Variants in MYO1H observed in about 807,000 individuals in gnomAD.
The protein encoded by MYO1H is myosin IH.
Under a neutral mutation model 149.3 loss-of-function variants are expected in MYO1H, and 118 were observed. The ratio of observed to expected loss-of-function variants is 0.79; its 90% CI spans 0.68 to 0.92. The LOEUF (loss-of-function observed/expected upper bound fraction) is 0.92. Ranked by LOEUF, MYO1H falls within the 40% of genes least tolerant of loss-of-function variation. MYO1H has a pLI of 0.00. For synonymous variants in MYO1H, 447 were observed against 465.2 expected, an observed-to-expected ratio of 0.96 and a Z score of 0.50; for missense variants, 1,212 against 1,280.7, an observed-to-expected ratio of 0.95 and a Z score of 0.82.
At chr12:109,434,477 A>G (rs1427003552) in intron 20 of MYO1H, among the ~76,000 whole-genome samples, 1 of 152,192 alleles carries the variant, frequency 6.6e-6, no homozygotes, top group African/African-American at 2.4e-5. Flanking sequence ...CTGGGCAACA[A>G]ACTGAGACTC....
At chr12:109,341,372 T>C in the MYO1H span, among the ~76,000 whole-genome samples, 1 of 152,164 alleles carries the variant, frequency 6.6e-6, no homozygotes, top group Admixed American at 6.5e-5. Context: ...TCATCATACA[T>C]TTCTATTATA....
intron 1 of MYO1H, among the ~76,000 whole-genome samples, chr12:109,375,052 G>A (rs571046115): frequency 1.3e-5 from 2 of 151,760 alleles, no homozygotes; most frequent in East Asian, 3.9e-4. Context: ...ACGGGGTTTC[G>A]CCATGTTGGC....
In MYO1H at chr12:109,381,633, C is replaced by T. The variant is rs146017240; in HGVS notation, c.13-7050C>T. Among the ~76,000 whole-genome samples the T allele has an allele frequency of 2.1e-3, 325 of 151,694 alleles. 2 individuals are homozygous for T. The highest frequency in any genetic ancestry group is 7.6e-3 in the African/African-American group (316 of 41,334). ...CAGCCTGGCCAACATGGTGAAACCCCGTCTCTACTAAAAATACAAAATCTT... is the reference window on the plus strand; with the variant it reads ...CAGCCTGGCCAACATGGTGAAACCCTGTCTCTACTAAAAATACAAAATCTT... On this transcript the variant is annotated intron_variant, in intron 1 of 31. Transcript: ENST00000310903.
At chr12:109,395,083 C>T (rs1171227026) in intron 3 of MYO1H, among the ~76,000 whole-genome samples, 2 of 152,162 alleles carry the variant, frequency 1.3e-5, no homozygotes, top group African/African-American at 2.4e-5. Context: ...TATTAAAAGC[C>T]GAAATGGCTT....
intron 9 of MYO1H, 121 bp downstream of exon 9, chr12:109,406,981 C>T (rs374526213): frequency 6.3e-5 from 50 of 790,340 alleles, no homozygotes; most frequent in Non-Finnish European, 8.4e-5. Flanking sequence ...CCAGGCCCTG[C>T]GTGGTCCAGC....
At chr12:109,404,842 T>G (rs1158947231) in intron 7 of MYO1H, among the ~76,000 whole-genome samples, 1 of 140,232 alleles carries the variant, frequency 7.1e-6, no homozygotes, top group Non-Finnish European at 1.6e-5. Context: ...TTTTACATCT[T>G]TTTGTCTTTT....
chr12:109,379,729 C>CTTTT (rs35773327), intron 1 of MYO1H, among the ~76,000 whole-genome samples: 23 of 103,476 alleles, frequency 2.2e-4, no homozygotes, highest in Admixed American at 3.8e-4. Context: ...CAATTTTAAC[C>CTTTT]TTTTTTTTTT....
At chr12:109,394,982 G>A (rs910060235) in intron 3 of MYO1H, among the ~76,000 whole-genome samples, 1 of 152,112 alleles carries the variant, frequency 6.6e-6, no homozygotes. Flanking sequence ...TGCTGGTCTC[G>A]AACTCCTGGG....
At chr12:109,409,240 CTTCTTCTTTTTTTTTTTTTT>C (rs1870545083) in intron 10 of MYO1H, among the ~76,000 whole-genome samples, 1 of 91,034 alleles carries the variant, frequency 1.1e-5, no homozygotes, top group Non-Finnish European at 2.0e-5. Context: ...TCTTCTTCTT[CTTCTTCTTTTTTTTTTTTTT>C]TTTTTTTTTT....
At chr12:109,361,786 T>C (rs1868756541) in intron 1 of MYO1H, among the ~76,000 whole-genome samples, 1 of 122,590 alleles carries the variant, frequency 8.2e-6, no homozygotes, top group South Asian at 2.5e-4. Context: ...TCCAGCAGCC[T>C]GGGTGACAGA....
chr12:109,411,634 TG>T (rs1227631005), intron 13 of MYO1H, among the ~76,000 whole-genome samples: 1 of 152,198 alleles, frequency 6.6e-6, no homozygotes, highest in Admixed American at 6.5e-5. Context: ...GGAGTATCCT[TG>T]GGAAGACTTT....
intron 13 of MYO1H, 74 bp downstream of exon 13, chr12:109,410,842 T>C: frequency 1.9e-6 from 2 of 1,066,492 alleles, no homozygotes; most frequent in Non-Finnish European, 2.8e-6. Context: ...TTTCCCAGGC[T>C]TAAAAAGGGT....
the MYO1H span, among the ~76,000 whole-genome samples, chr12:109,340,361 G>T: frequency 1.3e-5 from 2 of 152,034 alleles, no homozygotes; most frequent in Non-Finnish European, 2.9e-5. Context: ...TAGAGATAGG[G>T]TTTCACCATG....
chr12:109,381,131 C>T (rs1490528836), intron 1 of MYO1H, among the ~76,000 whole-genome samples: 1 of 152,146 alleles, frequency 6.6e-6, no homozygotes, highest in Non-Finnish European at 1.5e-5. Context: ...TCTACCCACT[C>T]AAAGAAACCA....
rs1566044949 is a variant in MYO1H at position 109,443,125 on chromosome 12, C to CATATAT, written c.2689-389_2689-388insATATAT. ...GTACGTATATGTGTGTATATGTGTA[C>CATATAT]GTATATATGTGTGTATATGTGTACG... On this transcript the variant is annotated intron_variant, in intron 27 of 31. Transcript: ENST00000310903. Among the ~76,000 whole-genome samples the CATATAT allele has an allele frequency of 3.6e-3, 134 of 37,244 alleles. 10 individuals carry two copies. Among genetic ancestry groups the CATATAT allele is most frequent in the South Asian group, 4.6e-3 (6 of 1,292 alleles). The allele number at this position is 37,244 out of a possible 152,430, so 24.4% of individuals were successfully genotyped here. A position where few individuals can be genotyped will look rare whatever the true frequency, so the allele number is the denominator to read the frequency against.
In MYO1H at chr12:109,412,087, A is replaced by G. The variant is rs534737473; in HGVS notation, c.1502+102A>G. 4.1e-6 allele frequency: 3 copies of G among 733,116 alleles called. No individual in the cohort carries two copies. In the African/African-American group the frequency reaches 5.4e-5, roughly 13 times the overall value. 45.4% of individuals were successfully genotyped at this position (733,116 alleles called of 1,614,324 possible). On this transcript the variant is annotated intron_variant, in intron 14 of 31. Transcript: ENST00000310903. Reference sequence around the variant, plus strand: ...TTCTTCAAGAGAACAACTACTTCATACATAAAAATATCTTTATGTATACCA... The same window carrying G: ...TTCTTCAAGAGAACAACTACTTCATGCATAAAAATATCTTTATGTATACCA...
At chr12:109,349,641 AG>A (rs999834040) in intron 1 of MYO1H, among the ~76,000 whole-genome samples, 1 of 142,676 alleles carries the variant, frequency 7.0e-6, no homozygotes, top group African/African-American at 2.6e-5. Context: ...CCTGGATGAC[AG>A]TCTGAAACCC....
the MYO1H span, among the ~76,000 whole-genome samples, chr12:109,342,503 G>A: frequency 7.2e-6 from 1 of 139,356 alleles, no homozygotes; most frequent in South Asian, 2.3e-4. Context: ...GTGGTTTATG[G>A]TTTTCTGTAC....
At chr12:109,330,928 G>A in the MYO1H span, among the ~76,000 whole-genome samples, 1 of 152,150 alleles carries the variant, frequency 6.6e-6, no homozygotes, top group South Asian at 2.1e-4. Flanking sequence ...TAGCATCTGG[G>A]TGGTGGTCAT....
Sources: allele counts gnomAD v4.1 joint callset (sites outside exome capture counted in the v4.1 genomes callset), GRCh38; gene constraint gnomAD v4.1.1; transcripts MANE v1.5; gene names NCBI Gene and HGNC (gene_info 2026-07-23, HGNC 2026-07-21).